Variants in CCDC73 observed in about 807,000 individuals in gnomAD.
CCDC73 encodes the protein coiled-coil domain-containing protein 73.
CCDC73 carries 95 observed loss-of-function variants against 116.5 expected under a neutral mutation model. The observed-to-expected ratio is 0.82, with a 90% confidence interval of 0.69 to 0.97. The LOEUF (loss-of-function observed/expected upper bound fraction) is 0.97. Among genes scored for constraint, CCDC73 ranks in the 50% least tolerant of loss-of-function variants. The pLI, the probability that CCDC73 is intolerant of heterozygous loss-of-function variation, is 0.00. For synonymous variants in CCDC73, 398 were observed against 401.3 expected, an observed-to-expected ratio of 0.99 and a Z score of 0.10; for missense variants, 1,066 against 1,206.8, an observed-to-expected ratio of 0.88 and a Z score of 1.73.
At position 32,616,473 on chromosome 11, in the gene CCDC73, G is replaced by C. The variant is rs1486579; in HGVS notation, c.1186-344C>G. Among the ~76,000 whole-genome samples the C allele has an allele frequency of 7.1e-3, 1,087 of 152,150 alleles. 16 individuals are homozygous for C. Among genetic ancestry groups the C allele is most frequent in the African/African-American group, 0.025 (1,048 of 41,520 alleles). On this transcript the variant is annotated intron_variant, in intron 14 of 17. Transcript: ENST00000335185. ...GGCAGGCAAATTGTTTTGAGCAGTA[G>C]TTTATTTTTTTAAGAGATGAGTTCT...
At chr11:32,610,967 G>C (rs1439101948) in intron 17 of CCDC73, among the ~76,000 whole-genome samples, 165 bp downstream of exon 17, 1 of 152,098 alleles carries the variant, frequency 6.6e-6, no homozygotes, top group Non-Finnish European at 1.5e-5. Context: ...ACTTTTTCCT[G>C]CTGTTTTCTA....
chr11:32,707,263 A>C (rs1019185143), intron 3 of CCDC73, among the ~76,000 whole-genome samples: 3 of 152,136 alleles, frequency 2.0e-5, no homozygotes, highest in Non-Finnish European at 4.4e-5. Flanking sequence ...CAAAAAACCC[A>C]GTGAATGAGG....
chr11:32,802,386 C>T, the CCDC73 span, among the ~76,000 whole-genome samples: 1 of 152,196 alleles, frequency 6.6e-6, no homozygotes, highest in South Asian at 2.1e-4. Context: ...ATGTTGTCAT[C>T]ATCTTCTCAT....
the CCDC73 span, among the ~76,000 whole-genome samples, chr11:32,827,724 ATGAATAAGTCAG>A: frequency 6.6e-6 from 1 of 152,214 alleles, no homozygotes; most frequent in Non-Finnish European, 1.5e-5. Flanking sequence ...GAATGCAAAA[ATGAATAAGTCAG>A]TTCTTGCACT....
At chr11:32,782,098 A>T (rs1332899287) in intron 1 of CCDC73, among the ~76,000 whole-genome samples, 1 of 152,162 alleles carries the variant, frequency 6.6e-6, no homozygotes, top group Admixed American at 6.5e-5. Context: ...CCTTATGAGA[A>T]TCTAATGCAT....
Position 32,633,023 on chromosome 11 carries a change from G to A in CCDC73, c.1185+2673C>T, listed in dbSNP as rs139717868. On this transcript the variant is annotated intron_variant, in intron 14 of 17. Coordinates refer to ENST00000335185, the MANE Select transcript of CCDC73 (RefSeq NM_001008391.4). Reference sequence around the variant, plus strand: ...TGAAATAGCAAATAAATAAACATGGGAGAGAAATGAATGAAATCAAAACCT... The same window carrying A: ...TGAAATAGCAAATAAATAAACATGGAAGAGAAATGAATGAAATCAAAACCT... 2.6e-5 allele frequency among the ~76,000 whole-genome samples: 4 copies of A among 152,194 alleles called. No individual in the cohort carries two copies. In the East Asian group the frequency reaches 7.7e-4, roughly 29 times the overall value.
the CCDC73 span, among the ~76,000 whole-genome samples, chr11:32,815,423 C>T: frequency 1.3e-5 from 2 of 151,428 alleles, no homozygotes; most frequent in Non-Finnish European, 2.9e-5. Flanking sequence ...TAACCTCAAA[C>T]TTCTAGCCTC....
rs903383608 is a variant in CCDC73 at position 32,768,600 on chromosome 11, C to A, written c.-15-8342G>T. On this transcript the variant is annotated intron_variant, in intron 1 of 17. Coordinates refer to ENST00000335185, the MANE Select transcript of CCDC73 (RefSeq NM_001008391.4). ...CTGCTTCATTGGATAGTGAAAGAAACCTCAATCTATTAATATAATTTAAAA... is the reference window on the plus strand; with the variant it reads ...CTGCTTCATTGGATAGTGAAAGAAAACTCAATCTATTAATATAATTTAAAA... 2.6e-5 allele frequency among the ~76,000 whole-genome samples: 4 copies of A among 152,096 alleles called. No individual in the cohort carries two copies. The East Asian group carries it at 7.7e-4, about 29-fold the overall frequency.
rs372070393 is a variant in CCDC73 at position 32,738,011 on chromosome 11, G to C, written c.136-19864C>G. On this transcript the variant is annotated intron_variant, in intron 2 of 17. Coordinates refer to ENST00000335185, the MANE Select transcript of CCDC73 (RefSeq NM_001008391.4). ...GACCTCCAGTTCCATCCGTGTTGTT[G>C]CAAGTAATAAGATCTCATTCTTCTT... 9.2e-5 allele frequency among the ~76,000 whole-genome samples: 14 copies of C among 152,106 alleles called. No individual in the cohort carries two copies. In the East Asian group the frequency reaches 1.3e-3, roughly 15 times the overall value.
intron 1 of CCDC73, among the ~76,000 whole-genome samples, chr11:32,777,446 A>G (rs972796424): frequency 2.6e-5 from 4 of 152,078 alleles, no homozygotes; most frequent in Non-Finnish European, 5.9e-5. Flanking sequence ...AGTTTTTCTA[A>G]AACTGTTTCC....
intron 14 of CCDC73, among the ~76,000 whole-genome samples, chr11:32,631,855 T>C (rs1028963726): frequency 3.3e-5 from 5 of 151,894 alleles, no homozygotes; most frequent in African/African-American, 7.3e-5. Flanking sequence ...TCAATAGACA[T>C]ATAGGCAGGC....
the CCDC73 span, among the ~76,000 whole-genome samples, chr11:32,823,328 G>A: frequency 6.6e-6 from 1 of 152,198 alleles, no homozygotes; most frequent in South Asian, 2.1e-4. Flanking sequence ...ACAAAAATTA[G>A]CCAGGCATGG....
intron 1 of CCDC73, among the ~76,000 whole-genome samples, chr11:32,780,125 T>G (rs1850570122): frequency 6.6e-6 from 1 of 151,798 alleles, no homozygotes; most frequent in African/African-American, 2.4e-5. Flanking sequence ...AATACAAAAA[T>G]TAGCTAGGTA....
the CCDC73 span, chr11:32,829,871 G>T: frequency 4.1e-6 from 4 of 985,508 alleles, no homozygotes; most frequent in Non-Finnish European, 4.8e-6. Flanking sequence ...AGGTAGGCCC[G>T]GCCCCCGGGA....
In CCDC73 at chr11:32,656,063, GT is replaced by G. The variant is rs1430602195; in HGVS notation, c.646-1092del. 8.3e-4 allele frequency among the ~76,000 whole-genome samples: 124 copies of G among 149,016 alleles called. 1 individual carries two copies. Among genetic ancestry groups the G allele is most frequent in the Admixed American group, 9.4e-4 (14 of 14,936 alleles). On this transcript the variant is annotated intron_variant, in intron 9 of 17. Transcript: ENST00000335185. ...TTGCTTCTCAGGTAGGCAGTGGGCAGTTTTTCTTTTCTTTTCTTTTCTTTTT... is the reference window on the plus strand; with the variant it reads ...TTGCTTCTCAGGTAGGCAGTGGGCAGTTTTCTTTTCTTTTCTTTTCTTTTT...
chr11:32,717,961 G>A, intron 3 of CCDC73, 115 bp downstream of exon 3: 1 of 677,682 alleles, frequency 1.5e-6, no homozygotes, highest in Non-Finnish European at 2.5e-6. Context: ...TGGGGAAACT[G>A]CCCAAATGAT....
intron 6 of CCDC73, among the ~76,000 whole-genome samples, chr11:32,688,775 T>C (rs1046263471): frequency 6.6e-6 from 1 of 152,152 alleles, no homozygotes; most frequent in African/African-American, 2.4e-5. Context: ...CTTAAAAACA[T>C]TGTGGAATGA....
In CCDC73 at chr11:32,662,855, A is replaced by G. The variant is rs538291272; in HGVS notation, c.646-7883T>C. On this transcript the variant is annotated intron_variant, in intron 9 of 17. Transcript: ENST00000335185. Reference sequence around the variant, plus strand: ...TTAAGTCTTTAATCCATCTTGAATTAATTTTTGTATAAGGTGTAAGGAAGG... The same window carrying G: ...TTAAGTCTTTAATCCATCTTGAATTGATTTTTGTATAAGGTGTAAGGAAGG... Among the ~76,000 whole-genome samples the G allele has an allele frequency of 1.5e-4, 23 of 152,112 alleles. 1 individual carries two copies. In the Middle Eastern group the frequency reaches 0.02, roughly 135 times the overall value.
chr11:32,629,348 C>A (rs911833856), intron 14 of CCDC73, among the ~76,000 whole-genome samples: 1 of 151,512 alleles, frequency 6.6e-6, no homozygotes, highest in African/African-American at 2.4e-5. Flanking sequence ...TACCAAGGTA[C>A]ATCATAATCA....
Sources: gnomAD v4.1 joint callset for allele counts (sites outside exome capture counted in the v4.1 genomes callset) on GRCh38, gnomAD v4.1.1 for gene constraint, MANE v1.5 for transcripts, NCBI Gene and HGNC (gene_info 2026-07-23, HGNC 2026-07-21) for gene names.